Variants in ERC2 observed in about 807,000 individuals in gnomAD.
The protein encoded by ERC2 is ERC protein 2.
A neutral mutation model predicts 114.8 loss-of-function variants in ERC2; 42 were observed. The observed-to-expected ratio is 0.37, with a 90% CI of 0.29 to 0.47. ERC2 has a LOEUF of 0.47. ERC2 is among the 20% of genes least tolerant of loss of function. ERC2 has a pLI of 0.99. For missense variants in ERC2, 939 were observed against 1,150.7 expected (o/e 0.82, Z 2.66); for synonymous variants, 454 against 425.5 (o/e 1.07, Z -0.82).
At chr3:56,024,528 T>A (rs184393631) in intron 7 of ERC2, among the ~76,000 whole-genome samples, 5 of 152,294 alleles carry the variant, frequency 3.3e-5, no homozygotes, top group Admixed American at 3.3e-4. Flanking sequence ...AGAGGGTCCT[T>A]CAAAATCCCA....
intron 17 of ERC2, among the ~76,000 whole-genome samples, chr3:55,566,522 C>A (rs1375860289): frequency 1.3e-5 from 2 of 152,168 alleles, no homozygotes; most frequent in Non-Finnish European, 2.9e-5. Flanking sequence ...ACCTCCACCT[C>A]CTGGGTTTAA....
chr3:55,599,733 G>T (rs2058313579), intron 17 of ERC2, among the ~76,000 whole-genome samples: 1 of 152,188 alleles, frequency 6.6e-6, no homozygotes, highest in Admixed American at 6.5e-5. Context: ...TGCTCAATAT[G>T]TGTAACATTT....
chr3:55,548,804 G>A (rs1458552215), intron 17 of ERC2, among the ~76,000 whole-genome samples: 1 of 152,090 alleles, frequency 6.6e-6, no homozygotes, highest in Non-Finnish European at 1.5e-5. Flanking sequence ...GGAGTAGAAG[G>A]CATGGTGGCA....
At chr3:56,246,364 C>T (rs1437864025) in intron 3 of ERC2, among the ~76,000 whole-genome samples, 1 of 152,182 alleles carries the variant, frequency 6.6e-6, no homozygotes, top group Non-Finnish European at 1.5e-5. Context: ...CCCACACACA[C>T]ATCCACCTTG....
chr3:56,268,329 A>T (rs1469460776), intron 3 of ERC2, among the ~76,000 whole-genome samples: 1 of 152,232 alleles, frequency 6.6e-6, no homozygotes, highest in Non-Finnish European at 1.5e-5. Flanking sequence ...ATACTCTACA[A>T]TGTTCACGCA....
chr3:56,148,848 C>A lies in ERC2; in HGVS notation c.1305+129G>T. 3.7e-6 allele frequency: 3 copies of A among 813,006 alleles called. 1 individual carries two copies. In the South Asian group the frequency reaches 8.8e-5, roughly 24 times the overall value. 50.4% of individuals were successfully genotyped at this position (813,006 alleles called of 1,614,324 possible). On this transcript the variant is annotated intron_variant, in intron 5 of 17. Transcript: ENST00000288221. ...TGAACTAAAAATCTTCCGCATTCTA[C>A]TTTGTTGTCCATATATTAAATAATA... is the stretch of plus-strand genomic sequence containing the variant.
At chr3:55,681,856 C>A (rs2062070148) in intron 17 of ERC2, among the ~76,000 whole-genome samples, 2 of 152,150 alleles carry the variant, frequency 1.3e-5, no homozygotes, top group Admixed American at 1.3e-4. Flanking sequence ...CTGAGGATAA[C>A]AACACTGTTC....
At chr3:56,145,590 G>A (rs1477690146) in intron 5 of ERC2, among the ~76,000 whole-genome samples, 1 of 152,116 alleles carries the variant, frequency 6.6e-6, no homozygotes, top group East Asian at 1.9e-4. Context: ...ACACATCTGA[G>A]ATCTCCCAGA....
chr3:55,733,531 T>C (rs73831465), intron 15 of ERC2, among the ~76,000 whole-genome samples: 26,626 of 57,134 alleles, frequency 0.47, 5,953 homozygotes, highest in African/African-American at 0.6. Flanking sequence ...CTCTCATTCT[T>C]TCTCTCTCTC....
Position 56,259,128 on chromosome 3 carries a change from G to A in ERC2, c.1074+36891C>T, listed in dbSNP as rs373213433. 7.2e-5 allele frequency among the ~76,000 whole-genome samples: 11 copies of A among 151,820 alleles called. No homozygotes were observed. The East Asian group carries it at 1.6e-3, about 21-fold the overall frequency. ...AACGGGATTACAGGCCTGTGCCACC[G>A]TGCCTGGCTAATTTTGTATTTTTAG... On this transcript the variant is annotated intron_variant, in intron 3 of 17. Transcript: ENST00000288221.
At chr3:55,537,814 A>G (rs2054098408) in intron 17 of ERC2, among the ~76,000 whole-genome samples, 1 of 152,222 alleles carries the variant, frequency 6.6e-6, no homozygotes, top group Admixed American at 6.5e-5. Flanking sequence ...TCCCTTTTGA[A>G]AAAAGTTTCA....
intron 2 of ERC2, among the ~76,000 whole-genome samples, chr3:56,307,124 A>G (rs375409905): frequency 6.6e-6 from 1 of 152,314 alleles, no homozygotes; most frequent in South Asian, 2.1e-4. Flanking sequence ...GTGGCCTACC[A>G]AGGGCAGGGG....
At chr3:55,979,443 G>T (rs2069885688) in intron 12 of ERC2, among the ~76,000 whole-genome samples, 1 of 152,202 alleles carries the variant, frequency 6.6e-6, no homozygotes. Context: ...AATGTCTCAA[G>T]ACTTGCTAAT....
At chr3:56,143,894 G>A (rs562885033) in intron 5 of ERC2, among the ~76,000 whole-genome samples, 31 of 152,326 alleles carry the variant, frequency 2.0e-4, no homozygotes, top group Admixed American at 1.4e-3. Context: ...AATATTAGCT[G>A]AGCATGAACA....
intron 14 of ERC2, among the ~76,000 whole-genome samples, chr3:55,784,571 G>A (rs1405935625): frequency 6.6e-6 from 1 of 152,192 alleles, no homozygotes; most frequent in East Asian, 1.9e-4. Context: ...GGTTTGGCCA[G>A]TGTTTTGAGT....
intron 4 of ERC2, among the ~76,000 whole-genome samples, chr3:56,172,670 T>G (rs1399593213): frequency 6.6e-6 from 1 of 152,248 alleles, no homozygotes; most frequent in Non-Finnish European, 1.5e-5. Flanking sequence ...AATCAAGAAT[T>G]ATTTATTATT....
chr3:56,429,200 C>T (rs1211366872), intron 2 of ERC2, among the ~76,000 whole-genome samples: 2 of 152,152 alleles, frequency 1.3e-5, no homozygotes, highest in Non-Finnish European at 2.9e-5. Context: ...AAAAGATAAA[C>T]CTATATTCTT....
intron 11 of ERC2, among the ~76,000 whole-genome samples, chr3:55,990,633 C>T (rs114543027): frequency 0.014 from 2,094 of 152,256 alleles, 16 homozygotes; most frequent in Non-Finnish European, 0.022. Context: ...CCAGGCTGGC[C>T]TCAAACCCCT....
At chr3:55,734,939 G>C in intron 14 of ERC2, 21 bp from the exon 15 acceptor site, 1 of 1,515,166 alleles carries the variant, frequency 6.6e-7, no homozygotes, top group Non-Finnish European at 8.8e-7. Flanking sequence ...AAAGATTATT[G>C]AGATCATTTT....
Sources: gnomAD v4.1 joint callset for allele counts (sites outside exome capture counted in the v4.1 genomes callset) on GRCh38, gnomAD v4.1.1 for gene constraint, MANE v1.5 for transcripts, NCBI Gene and HGNC (gene_info 2026-07-23, HGNC 2026-07-21) for gene names.